The following BCL2L1 variants were observed in gnomAD, a reference collection of about 807,000 sequenced individuals.
BCL2L1 encodes bcl-2-like protein 1.
Under a neutral mutation model 18.7 loss-of-function variants are expected in BCL2L1, and 1 was observed. The observed-to-expected ratio is 0.05, with a 90% CI of 0.02 to 0.25. The LOEUF (loss-of-function observed/expected upper bound fraction) is 0.25. Among genes scored for constraint, BCL2L1 ranks in the 10% least tolerant of loss-of-function variants. BCL2L1 has a pLI of 1.00. For synonymous variants in BCL2L1, 103 were observed against 122.7 expected, an observed-to-expected ratio of 0.84 and a Z score of 1.06; for missense variants, 207 against 304.9, an observed-to-expected ratio of 0.68 and a Z score of 2.39.
chr20:31,707,040 C>T (rs1003912317), intron 2 of BCL2L1, among the ~76,000 whole-genome samples: 1 of 152,194 alleles, frequency 6.6e-6, no homozygotes, highest in African/African-American at 2.4e-5. Flanking sequence ...CAGGCATGCT[C>T]CTACCCACTT....
intron 2 of BCL2L1, among the ~76,000 whole-genome samples, chr20:31,691,255 C>T (rs973815702): frequency 2.2e-5 from 3 of 136,410 alleles, no homozygotes; most frequent in African/African-American, 8.1e-5. Context: ...TTCAAATTTA[C>T]AGCCTTTAAC....
intron 2 of BCL2L1, among the ~76,000 whole-genome samples, chr20:31,681,831 AT>A (rs1011386215): frequency 6.6e-6 from 1 of 152,206 alleles, no homozygotes; most frequent in African/African-American, 2.4e-5. Context: ...TAAAGCAACT[AT>A]TTCTGCTGCT....
intron 2 of BCL2L1, among the ~76,000 whole-genome samples, chr20:31,673,068 C>CTT (rs906594378): frequency 7.4e-4 from 88 of 118,202 alleles, no homozygotes; most frequent in Non-Finnish European, 1.1e-3. Context: ...GGTGTCCTTG[C>CTT]TTTTTTTTTT....
intron 2 of BCL2L1, among the ~76,000 whole-genome samples, chr20:31,687,458 G>A (rs1235406054): frequency 2.0e-5 from 3 of 151,778 alleles, no homozygotes; most frequent in African/African-American, 4.8e-5. Flanking sequence ...GGAGGATAAC[G>A]AGGTCAGGAG....
At chr20:31,706,584 T>G (rs2061372085) in intron 2 of BCL2L1, among the ~76,000 whole-genome samples, 1 of 152,238 alleles carries the variant, frequency 6.6e-6, no homozygotes, top group Non-Finnish European at 1.5e-5. Context: ...TCGTTTAGTC[T>G]TTCTCCCAAC....
intron 2 of BCL2L1, among the ~76,000 whole-genome samples, chr20:31,710,321 A>C (rs528337255): frequency 8.5e-5 from 13 of 152,326 alleles, no homozygotes; most frequent in African/African-American, 2.6e-4. Flanking sequence ...CCCTGATCAG[A>C]TCCATAGGAT....
At chr20:31,723,493 C>G (rs2061669338), upstream of BCL2L1, 1 of 985,400 alleles carries the variant, frequency 1.0e-6, no homozygotes, top group Non-Finnish European at 1.2e-6. Context: ...CAGGGTGGGC[C>G]GGCTGCGGCC....
intron 2 of BCL2L1, among the ~76,000 whole-genome samples, chr20:31,678,756 C>T (rs1358090125): frequency 6.6e-6 from 1 of 152,200 alleles, no homozygotes; most frequent in African/African-American, 2.4e-5. Context: ...GACCTCTTCA[C>T]CCCAGCACCG....
At chr20:31,684,690 C>T (rs554411690) in intron 2 of BCL2L1, among the ~76,000 whole-genome samples, 65 of 152,340 alleles carry the variant, frequency 4.3e-4, no homozygotes, top group Non-Finnish European at 8.4e-4. Context: ...ACCCACTCCA[C>T]CCATATGAGC....
chr20:31,673,070 T>C (rs1389212791), intron 2 of BCL2L1, among the ~76,000 whole-genome samples: 2 of 143,184 alleles, frequency 1.4e-5, no homozygotes, highest in Admixed American at 7.0e-5. Flanking sequence ...TGTCCTTGCT[T>C]TTTTTTTTTT....
chr20:31,692,667 T>C (rs749207128), intron 2 of BCL2L1, among the ~76,000 whole-genome samples: 9 of 152,046 alleles, frequency 5.9e-5, no homozygotes, highest in Admixed American at 5.2e-4. Context: ...TCTCAGCACT[T>C]TGGGAGGCCG....
chr20:31,670,521 C>A (rs114842147), intron 2 of BCL2L1, among the ~76,000 whole-genome samples: 1,643 of 152,280 alleles, frequency 0.011, 35 homozygotes, highest in African/African-American at 0.038. Context: ...AGGCGCTGTC[C>A]CCACAAGGGC....
intron 2 of BCL2L1, among the ~76,000 whole-genome samples, chr20:31,710,573 A>C (rs1046010943): frequency 7.2e-5 from 11 of 152,136 alleles, no homozygotes; most frequent in Non-Finnish European, 1.3e-4. Context: ...TTGGCTAGGG[A>C]AAGGGTGCAG....
At chr20:31,675,392 GA>G (rs2060742938) in intron 2 of BCL2L1, among the ~76,000 whole-genome samples, 1 of 152,178 alleles carries the variant, frequency 6.6e-6, no homozygotes, top group African/African-American at 2.4e-5. Context: ...AATGTGTGCT[GA>G]ATAGACAAAC....
At chr20:31,723,610 G>A (rs1214482636), upstream of BCL2L1, 1 of 985,354 alleles carries the variant, frequency 1.0e-6, no homozygotes, top group Non-Finnish European at 1.2e-6. Flanking sequence ...TGAGAGGAGG[G>A]GCCTCGCCCC....
chr20:31,689,990 C>T (rs2061034326), intron 2 of BCL2L1, among the ~76,000 whole-genome samples: 1 of 152,186 alleles, frequency 6.6e-6, no homozygotes, highest in Non-Finnish European at 1.5e-5. Flanking sequence ...TGCACTCCAG[C>T]CTGGGCAACA....
intron 2 of BCL2L1, among the ~76,000 whole-genome samples, chr20:31,710,028 T>G (rs2061429141): frequency 6.6e-6 from 1 of 152,022 alleles, no homozygotes; most frequent in African/African-American, 2.4e-5. Flanking sequence ...TTTAAACCCA[T>G]CATGGTCCAC....
chr20:31,670,232 C>T (rs1168963151), intron 2 of BCL2L1, among the ~76,000 whole-genome samples: 1 of 152,184 alleles, frequency 6.6e-6, no homozygotes, highest in Admixed American at 6.5e-5. Flanking sequence ...TCTTGGCAGA[C>T]AAAAATATTC....
At chr20:31,710,712 C>G (rs557005814) in intron 2 of BCL2L1, among the ~76,000 whole-genome samples, 1 of 152,330 alleles carries the variant, frequency 6.6e-6, no homozygotes, top group South Asian at 2.1e-4. Context: ...CAACTTCTTC[C>G]ACTTTTGGTG....
Sources: gnomAD v4.1 joint callset for allele counts (sites outside exome capture counted in the v4.1 genomes callset) on GRCh38, gnomAD v4.1.1 for gene constraint, MANE v1.5 for transcripts, NCBI Gene and HGNC (gene_info 2026-07-23, HGNC 2026-07-21) for gene names.